The following HCN1 variants were observed in gnomAD, a reference collection of about 807,000 sequenced individuals.
HCN1 encodes hyperpolarization activated cyclic nucleotide gated potassium channel 1.
A neutral mutation model predicts 78.9 loss-of-function variants in HCN1; 13 were observed. The observed-to-expected ratio is 0.16, with a 90% confidence interval of 0.11 to 0.26. HCN1 has a LOEUF of 0.26. HCN1 is among the 10% of genes least tolerant of loss of function. HCN1 has a pLI of 1.00. For synonymous variants in HCN1, 552 were observed against 455.5 expected, an observed-to-expected ratio of 1.21 and a Z score of -2.70; for missense variants, 810 against 1,154.3, an observed-to-expected ratio of 0.70 and a Z score of 4.32.
intron 2 of HCN1, among the ~76,000 whole-genome samples, chr5:45,507,253 G>A (rs1293427205): frequency 6.6e-6 from 1 of 152,130 alleles, no homozygotes; most frequent in African/African-American, 2.4e-5. Flanking sequence ...CATAGTCTCT[G>A]CCCTTTTCCT....
chr5:45,504,539 G>C, intron 2 of HCN1, among the ~76,000 whole-genome samples: 1 of 152,112 alleles, frequency 6.6e-6, no homozygotes, highest in African/African-American at 2.4e-5. Flanking sequence ...TTGCTACTGT[G>C]AATAGTGCCG....
chr5:45,431,858 C>T (rs748007164), intron 3 of HCN1, among the ~76,000 whole-genome samples: 2 of 152,060 alleles, frequency 1.3e-5, no homozygotes, highest in Admixed American at 1.3e-4. Flanking sequence ...AGTTTGAGGT[C>T]GGATAACATG....
intron 4 of HCN1, among the ~76,000 whole-genome samples, chr5:45,377,123 G>A (rs1275175310): frequency 2.0e-5 from 3 of 151,966 alleles, no homozygotes; most frequent in Non-Finnish European, 4.4e-5. Flanking sequence ...CAGAAAAATA[G>A]AAGCCTTGAA....
chr5:45,676,013 G>A (rs1561241520), intron 1 of HCN1, among the ~76,000 whole-genome samples: 1 of 151,738 alleles, frequency 6.6e-6, no homozygotes. Context: ...AGACAAATAT[G>A]GAACTGTCCA....
chr5:45,361,756 T>C (rs1747113808), intron 4 of HCN1, among the ~76,000 whole-genome samples: 1 of 152,206 alleles, frequency 6.6e-6, no homozygotes, highest in Admixed American at 6.5e-5. Flanking sequence ...TTGTTTACAC[T>C]ACATAGGTTT....
At chr5:45,521,329 T>C (rs1287175632) in intron 2 of HCN1, among the ~76,000 whole-genome samples, 1 of 151,918 alleles carries the variant, frequency 6.6e-6, no homozygotes, top group East Asian at 1.9e-4. Context: ...TTCCAAGGGC[T>C]ATGGTACCAC....
intron 2 of HCN1, among the ~76,000 whole-genome samples, chr5:45,562,883 A>G (rs1743633827): frequency 6.6e-6 from 1 of 152,226 alleles, no homozygotes; most frequent in Admixed American, 6.5e-5. Context: ...ATAAAAGGCA[A>G]CATTAATTTG....
intron 2 of HCN1, among the ~76,000 whole-genome samples, chr5:45,631,014 T>A (rs941357533): frequency 6.6e-6 from 1 of 152,202 alleles, no homozygotes; most frequent in Non-Finnish European, 1.5e-5. Flanking sequence ...TCCTCCACTA[T>A]GACCTCATTA....
At chr5:45,328,067 C>A (rs114495727) in intron 5 of HCN1, among the ~76,000 whole-genome samples, 30 of 151,656 alleles carry the variant, frequency 2.0e-4, no homozygotes, top group Admixed American at 5.9e-4. Flanking sequence ...TACAGTAGTC[C>A]CCTGTCCTCT....
intron 2 of HCN1, among the ~76,000 whole-genome samples, chr5:45,546,123 A>T (rs1743220760): frequency 6.6e-6 from 1 of 151,932 alleles, no homozygotes; most frequent in Non-Finnish European, 1.5e-5. Flanking sequence ...TCTCCTCAAG[A>T]TTTCCAGTAT....
chr5:45,643,977 C>A (rs894978381), intron 2 of HCN1: 5 of 151,944 alleles, frequency 3.3e-5, no homozygotes, highest in Non-Finnish European at 2.9e-5. Flanking sequence ...AAATATATCC[C>A]ATATCTATAT....
intron 3 of HCN1, 92 bp downstream of exon 3, chr5:45,461,754 A>G: frequency 2.6e-6 from 3 of 1,144,822 alleles, no homozygotes; most frequent in Non-Finnish European, 3.9e-6. Context: ...AAACATTTAT[A>G]GAGAAGAAAT....
At chr5:45,401,879 A>C (rs1051374947) in intron 3 of HCN1, among the ~76,000 whole-genome samples, 4 of 151,946 alleles carry the variant, frequency 2.6e-5, no homozygotes. Flanking sequence ...AGTTTTAATT[A>C]AACAAGGTTT....
intron 1 of HCN1, among the ~76,000 whole-genome samples, chr5:45,650,886 C>T (rs1247826311): frequency 6.6e-6 from 1 of 151,912 alleles, no homozygotes; most frequent in Non-Finnish European, 1.5e-5. Flanking sequence ...TTCCCAGCCC[C>T]AGTTGCTTAC....
intron 3 of HCN1, among the ~76,000 whole-genome samples, chr5:45,413,995 G>T (rs1740071509): frequency 6.6e-6 from 1 of 151,860 alleles, no homozygotes; most frequent in African/African-American, 2.4e-5. Context: ...TTGCCAAAGT[G>T]TAAGAAAAAA....
intron 2 of HCN1, chr5:45,559,642 A>C (rs1490846868): frequency 1.3e-5 from 2 of 152,220 alleles, no homozygotes; most frequent in Non-Finnish European, 2.9e-5. Context: ...GTCATTTCTT[A>C]AGATGGAATC....
chr5:45,314,494 C>G (rs554014337), intron 5 of HCN1, among the ~76,000 whole-genome samples: 14 of 152,018 alleles, frequency 9.2e-5, no homozygotes, highest in Non-Finnish European at 1.8e-4. Flanking sequence ...AATGACAGGA[C>G]GAAATTCACA....
intron 4 of HCN1, among the ~76,000 whole-genome samples, chr5:45,371,935 TATATA>T (rs1365088881): frequency 9.8e-6 from 1 of 101,618 alleles, no homozygotes; most frequent in Non-Finnish European, 1.8e-5. Context: ...CATTATATTA[TATATA>T]ATATATAATA....
At chr5:45,407,206 T>C (rs1739943145) in intron 3 of HCN1, among the ~76,000 whole-genome samples, 1 of 152,084 alleles carries the variant, frequency 6.6e-6, no homozygotes, top group Admixed American at 6.6e-5. Flanking sequence ...AAGAAGATGA[T>C]AATGGAGCAG....
Sources: gnomAD v4.1 joint callset for allele counts (sites outside exome capture counted in the v4.1 genomes callset) on GRCh38, gnomAD v4.1.1 for gene constraint, MANE v1.5 for transcripts, NCBI Gene and HGNC (gene_info 2026-07-23, HGNC 2026-07-21) for gene names.